Variants in XIRP2 observed in about 807,000 individuals in gnomAD.
XIRP2 encodes the protein xin actin-binding repeat-containing protein 2.
In XIRP2, 236 loss-of-function variants were observed where a neutral mutation model predicts 277.0. The observed-to-expected ratio is 0.85, with a 90% CI of 0.77 to 0.95. The LOEUF is 0.95. Among genes scored for constraint, XIRP2 ranks in the 40% least tolerant of loss-of-function variants. The pLI is 0.00. For synonymous variants in XIRP2, 1,490 were observed against 1,416.5 expected, an observed-to-expected ratio of 1.05 and a Z score of -1.17; for missense variants, 4,640 against 4,157.5, an observed-to-expected ratio of 1.12 and a Z score of -3.19.
intron 2 of XIRP2, among the ~76,000 whole-genome samples, chr2:167,046,416 G>T (rs1688788474): frequency 1.3e-5 from 2 of 151,774 alleles, no homozygotes; most frequent in Admixed American, 1.3e-4. Flanking sequence ...AATATGAAGG[G>T]ATGTTGGATA....
At chr2:167,009,616 T>C (rs1268647540) in intron 2 of XIRP2, among the ~76,000 whole-genome samples, 1 of 152,010 alleles carries the variant, frequency 6.6e-6, no homozygotes, top group Non-Finnish European at 1.5e-5. Flanking sequence ...TATTTCTAGT[T>C]CTAGATCCCT....
chr2:167,184,546 G>A (rs1055332739), intron 3 of XIRP2: 22 of 716,846 alleles, frequency 3.1e-5, no homozygotes, highest in Admixed American at 1.4e-4. Context: ...CAGCAGCAGT[G>A]TTCTCCACGG....
At chr2:166,944,585 A>G (rs1685802942) in intron 2 of XIRP2, among the ~76,000 whole-genome samples, 1 of 152,226 alleles carries the variant, frequency 6.6e-6, no homozygotes, top group Non-Finnish European at 1.5e-5. Flanking sequence ...TCAAGTTATA[A>G]GATCAAAACT....
intron 7 of XIRP2, 45 bp downstream of exon 7, chr2:167,240,781 G>A: frequency 6.5e-7 from 1 of 1,546,066 alleles, no homozygotes; most frequent in East Asian, 2.2e-5. Context: ...TTCTCCTATT[G>A]ATGTGTTTGA....
chr2:166,955,420 G>A (rs1464519588), intron 2 of XIRP2, among the ~76,000 whole-genome samples: 1 of 151,792 alleles, frequency 6.6e-6, no homozygotes, highest in Non-Finnish European at 1.5e-5. Flanking sequence ...TTGTGAGTAT[G>A]AGGGGCAAGA....
chr2:166,894,563 C>G (rs1042785414), intron 1 of XIRP2, among the ~76,000 whole-genome samples: 56 of 152,088 alleles, frequency 3.7e-4, no homozygotes, highest in Admixed American at 7.2e-4. Context: ...GAGTGAATCC[C>G]AGGGGAGCTA....
At chr2:166,927,848 T>C (rs1409769786) in intron 2 of XIRP2, among the ~76,000 whole-genome samples, 1 of 152,162 alleles carries the variant, frequency 6.6e-6, no homozygotes, top group Non-Finnish European at 1.5e-5. Context: ...ATAAAGATTA[T>C]GTTTCAAAGC....
chr2:167,122,516 A>G (rs560244546), intron 2 of XIRP2, among the ~76,000 whole-genome samples: 1 of 152,160 alleles, frequency 6.6e-6, no homozygotes, highest in Admixed American at 6.6e-5. Context: ...CAGCACCAGA[A>G]TGAAAAATGT....
intron 9 of XIRP2, among the ~76,000 whole-genome samples, chr2:167,252,543 C>T (rs754462848): frequency 2.0e-5 from 3 of 151,800 alleles, no homozygotes; most frequent in Non-Finnish European, 4.4e-5. Flanking sequence ...ATTTTTTTCG[C>T]TTTTCTAAAA....
At chr2:166,957,071 G>A (rs1424086771) in intron 2 of XIRP2, among the ~76,000 whole-genome samples, 1 of 151,684 alleles carries the variant, frequency 6.6e-6, no homozygotes, top group African/African-American at 2.4e-5. Flanking sequence ...ACTGTATAAT[G>A]TTATATCAAA....
chr2:167,102,124 C>G (rs1488550401), intron 2 of XIRP2, among the ~76,000 whole-genome samples: 1 of 151,986 alleles, frequency 6.6e-6, no homozygotes, highest in Non-Finnish European at 1.5e-5. Flanking sequence ...AAGTGGTTGC[C>G]CTAGACAGCT....
intron 3 of XIRP2, among the ~76,000 whole-genome samples, chr2:167,150,350 G>A (rs1466501418): frequency 6.6e-6 from 1 of 151,632 alleles, no homozygotes; most frequent in African/African-American, 2.4e-5. Context: ...ATTTTAACAG[G>A]GTTAATTAAA....
chr2:167,087,476 C>G (rs1000859644), intron 2 of XIRP2, among the ~76,000 whole-genome samples: 20 of 152,270 alleles, frequency 1.3e-4, no homozygotes, highest in African/African-American at 3.6e-4. Context: ...CCACCCAGTT[C>G]GAGCTTCCCG....
At position 167,210,721 on chromosome 2, in the gene XIRP2, CTGTT is replaced by C; in HGVS notation, c.563-11_563-8del. 1.2e-6 allele frequency: 2 copies of C among 1,613,980 alleles called. No individual in the cohort carries two copies. The highest frequency in any genetic ancestry group is 1.7e-6 in the Non-Finnish European group (2 of 1,179,878). On this transcript the variant is annotated splice_polypyrimidine_tract_variant and intron_variant, in intron 3 of 10. Coordinates refer to ENST00000409195, the MANE Select transcript of XIRP2 (RefSeq NM_152381.6). ...CTTAACACACATGTGTAAGCATGCT[CTGTT>C]TGCTTTCAGCGACTGCTGGCCCTAA...
chr2:167,162,510 A>T (rs981919537), intron 3 of XIRP2, among the ~76,000 whole-genome samples: 4 of 152,114 alleles, frequency 2.6e-5, no homozygotes, highest in African/African-American at 9.7e-5. Flanking sequence ...AAACCATCAG[A>T]TCTCGTGAGA....
At chr2:167,074,612 G>GTGTGTGTGTGCA (rs1689513268) in intron 2 of XIRP2, among the ~76,000 whole-genome samples, 1 of 147,716 alleles carries the variant, frequency 6.8e-6, no homozygotes, top group Non-Finnish European at 1.5e-5. Flanking sequence ...TTCTGTGTGT[G>GTGTGTGTGTGCA]TGTGTGTGTG....
intron 2 of XIRP2, among the ~76,000 whole-genome samples, chr2:167,099,826 G>A (rs1005449300): frequency 2.0e-5 from 3 of 151,972 alleles, no homozygotes; most frequent in East Asian, 3.9e-4. Flanking sequence ...CTCGCCCTCC[G>A]TGGGCTGCAC....
intron 2 of XIRP2, among the ~76,000 whole-genome samples, chr2:167,116,004 G>T (rs903038852): frequency 3.9e-5 from 6 of 152,104 alleles, no homozygotes; most frequent in African/African-American, 1.4e-4. Flanking sequence ...AACACACTAT[G>T]ATTGATTTTA....
Position 167,254,112 on chromosome 2 carries a change from G to C in XIRP2, c.10636G>C (p.Ala3546Pro). The C allele has an allele frequency of 1.2e-6, 2 of 1,610,776 alleles. No homozygotes were observed. Among genetic ancestry groups the C allele is most frequent in the Non-Finnish European group, 1.7e-6 (2 of 1,178,212 alleles). Residue 3546 changes from alanine (A) to proline (P), a missense_variant, in exon 10 of 11, where the codon GCA (alanine) becomes CCA (proline). Ala to Pro is a conservative substitution (Grantham distance 27, BLOSUM62 -1). Transcript: ENST00000409195. ...LSNGVPSGRQAEFS is the reference protein window; with the variant it reads ...LSNGVPSGRQPEFS The stretch of plus-strand genomic sequence containing the variant: ...CAATGGAGTGCCTAGTGGCAGACAA[G>C]CAGAATTTTCATAAGTCCTGCTTCC...
Sources: allele counts gnomAD v4.1 joint callset (sites outside exome capture counted in the v4.1 genomes callset), GRCh38; gene constraint gnomAD v4.1.1; transcripts MANE v1.5; gene names NCBI Gene and HGNC (gene_info 2026-07-23, HGNC 2026-07-21).